EPB41L4A: variants seen among roughly 807,000 people sequenced by gnomAD.
The protein encoded by EPB41L4A is erythrocyte membrane protein band 4.1 like 4A.
In EPB41L4A, 100 loss-of-function variants were observed where a neutral mutation model predicts 108.6. That is an observed-to-expected ratio of 0.92 (90% CI 0.78 to 1.09). The LOEUF is 1.09. Among genes scored for constraint, EPB41L4A ranks in the 50% least tolerant of loss-of-function variants. The pLI is 0.00. For missense variants in EPB41L4A, 1,030 were observed against 842.7 expected (o/e 1.22, Z -2.75); for synonymous variants, 319 against 289.0 (o/e 1.10, Z -1.05).
chr5:112,370,898 C>T (rs892349110), intron 1 of EPB41L4A, among the ~76,000 whole-genome samples: 1 of 152,178 alleles, frequency 6.6e-6, no homozygotes, highest in African/African-American at 2.4e-5. Flanking sequence ...GAGACTGCAC[C>T]ACTGCACTCC....
intron 1 of EPB41L4A, among the ~76,000 whole-genome samples, chr5:112,396,358 TA>T (rs1358917246): frequency 6.6e-6 from 1 of 152,244 alleles, no homozygotes; most frequent in African/African-American, 2.4e-5. Context: ...AGTTTTAGAC[TA>T]TGTCATATTG....
chr5:112,175,600 G>T (rs1226501557), intron 18 of EPB41L4A: 9 of 151,948 alleles, frequency 5.9e-5, no homozygotes, highest in African/African-American at 1.7e-4. Context: ...TAAGAATATG[G>T]GAGTAATGGA....
chr5:112,215,738 G>T (rs1747583271), intron 12 of EPB41L4A, among the ~76,000 whole-genome samples: 2 of 144,846 alleles, frequency 1.4e-5, no homozygotes, highest in Admixed American at 7.3e-5. Context: ...ATTCCAGCCT[G>T]GGCGACAGAG....
chr5:112,178,507 T>C (rs1246175344), intron 18 of EPB41L4A, among the ~76,000 whole-genome samples: 1 of 152,126 alleles, frequency 6.6e-6, no homozygotes, highest in East Asian at 1.9e-4. Context: ...CTACAGATTA[T>C]TCATCATTAA....
chr5:112,336,065 G>A (rs183955010), intron 1 of EPB41L4A, among the ~76,000 whole-genome samples: 6 of 152,284 alleles, frequency 3.9e-5, no homozygotes, highest in Admixed American at 1.3e-4. Flanking sequence ...TGGAGGAAAT[G>A]AGAACTAACA....
At chr5:112,222,532 GA>G (rs1326550324) in intron 12 of EPB41L4A, among the ~76,000 whole-genome samples, 1 of 152,204 alleles carries the variant, frequency 6.6e-6, no homozygotes, top group African/African-American at 2.4e-5. Context: ...AATTCATGGT[GA>G]ATGCACAACA....
In EPB41L4A at chr5:112,343,469, C is replaced by T. The variant is rs116135235; in HGVS notation, c.100-35979G>A. On this transcript the variant is annotated intron_variant, in intron 1 of 22. Transcript: ENST00000261486. ...ATCACAGGGCCACTGTGAGAACTGA[C>T]ATAATGTATGTAAAGTACTTAGCGA... Among the ~76,000 whole-genome samples, 399 of 152,186 alleles carry T rather than the reference C, an allele frequency of 2.6e-3. 2 individuals are homozygous for T. Among genetic ancestry groups the T allele is most frequent in the African/African-American group, 9.1e-3 (380 of 41,544 alleles).
intron 12 of EPB41L4A, among the ~76,000 whole-genome samples, chr5:112,229,427 C>A (rs1046334632): frequency 6.6e-6 from 1 of 151,858 alleles, no homozygotes; most frequent in Non-Finnish European, 1.5e-5. Flanking sequence ...ATTTTTATTT[C>A]AATAGTTTTA....
chr5:112,220,590 T>C (rs1428643671), intron 12 of EPB41L4A, among the ~76,000 whole-genome samples: 1 of 152,204 alleles, frequency 6.6e-6, no homozygotes, highest in Non-Finnish European at 1.5e-5. Flanking sequence ...GAAAACTACC[T>C]GTGCCCAAGT....
intron 1 of EPB41L4A, among the ~76,000 whole-genome samples, chr5:112,319,512 T>C (rs552678677): frequency 6.6e-6 from 1 of 152,264 alleles, no homozygotes; most frequent in Non-Finnish European, 1.5e-5. Context: ...GAATAGAATT[T>C]ACACATGAAA....
chr5:112,238,034 A>G (rs1333335334), intron 11 of EPB41L4A, among the ~76,000 whole-genome samples: 2 of 152,216 alleles, frequency 1.3e-5, no homozygotes, highest in Non-Finnish European at 2.9e-5. Context: ...GCATTTCAAT[A>G]AATTTGAGAA....
At chr5:112,141,983 G>C (rs958458644), downstream of EPB41L4A, among the ~76,000 whole-genome samples, 1 of 152,188 alleles carries the variant, frequency 6.6e-6, no homozygotes, top group Non-Finnish European at 1.5e-5. Context: ...AGACTTCCAA[G>C]TGAGACATGA....
chr5:112,266,962 G>T (rs982171939), intron 4 of EPB41L4A, among the ~76,000 whole-genome samples: 2 of 152,182 alleles, frequency 1.3e-5, no homozygotes, highest in African/African-American at 4.8e-5. Flanking sequence ...CCATTGTGCA[G>T]ATGAGAAAAC....
intron 12 of EPB41L4A, among the ~76,000 whole-genome samples, chr5:112,229,699 G>A (rs1009401468): frequency 9.2e-5 from 14 of 152,062 alleles, no homozygotes; most frequent in African/African-American, 3.1e-4. Flanking sequence ...TTAGAGTAAC[G>A]GTCTCCAGGC....
chr5:112,374,545 A>T (rs184029562), intron 1 of EPB41L4A, among the ~76,000 whole-genome samples: 1 of 152,330 alleles, frequency 6.6e-6, no homozygotes. Flanking sequence ...TTACTCAGCA[A>T]TATTTTGCCT....
chr5:112,364,142 T>C (rs540672280), intron 1 of EPB41L4A, among the ~76,000 whole-genome samples: 2 of 152,294 alleles, frequency 1.3e-5, no homozygotes, highest in South Asian at 4.1e-4. Context: ...TTCTTCAGCC[T>C]CAGCCTCCCG....
In EPB41L4A at chr5:112,418,929, G is replaced by A; in HGVS notation, c.99+12C>T. The A allele has an allele frequency of 6.2e-7, 1 of 1,609,144 alleles. No individual in the cohort carries two copies. The highest frequency in any genetic ancestry group is 8.5e-7 in the Non-Finnish European group (1 of 1,176,364). On this transcript the variant is annotated intron_variant, in intron 1 of 22. Coordinates refer to ENST00000261486, the MANE Select transcript of EPB41L4A (RefSeq NM_022140.5). ...CCGCCAACCCCCGGAACGCGCTCCGGGCCGCACCCACCTTGATGCCCTGCT... is the reference window on the plus strand; with the variant it reads ...CCGCCAACCCCCGGAACGCGCTCCGAGCCGCACCCACCTTGATGCCCTGCT...
chr5:112,386,977 T>G (rs1399392262), intron 1 of EPB41L4A, among the ~76,000 whole-genome samples: 1 of 152,212 alleles, frequency 6.6e-6, no homozygotes, highest in Non-Finnish European at 1.5e-5. Flanking sequence ...CTGCTTTAGC[T>G]GAGTTGCTGC....
intron 18 of EPB41L4A, among the ~76,000 whole-genome samples, chr5:112,183,763 C>G (rs924399068): frequency 6.6e-6 from 1 of 152,198 alleles, no homozygotes; most frequent in Non-Finnish European, 1.5e-5. Flanking sequence ...TGAATGTATA[C>G]TTTGGTTAAA....
Sources: allele counts gnomAD v4.1 joint callset (sites outside exome capture counted in the v4.1 genomes callset), GRCh38; gene constraint gnomAD v4.1.1; transcripts MANE v1.5; gene names NCBI Gene and HGNC (gene_info 2026-07-23, HGNC 2026-07-21).